The following SORL1 variants were observed in gnomAD, a reference collection of about 807,000 sequenced individuals.
SORL1 encodes sortilin related receptor 1.
A neutral mutation model predicts 273.7 loss-of-function variants in SORL1; 127 were observed. The observed-to-expected ratio is 0.46, with a 90% CI of 0.40 to 0.54. SORL1 has a LOEUF of 0.54. Ranked by LOEUF, SORL1 falls within the 20% of genes least tolerant of loss-of-function variation. The probability of loss-of-function intolerance (pLI) is 0.00; values close to 1 mark genes in which losing one functional copy is unlikely to be tolerated. For synonymous variants in SORL1, 1,031 were observed against 1,067.4 expected (o/e 0.97, Z 0.66); for missense variants, 2,494 against 2,846.1 (o/e 0.88, Z 2.81).
chr11:121,579,043 A>G (rs1306760504), intron 25 of SORL1, among the ~76,000 whole-genome samples: 5 of 152,250 alleles, frequency 3.3e-5, no homozygotes, highest in Non-Finnish European at 7.3e-5. Context: ...GTATGATTGA[A>G]CATCTTGTTA....
At chr11:121,459,192 TGAA>T (rs1860952354) in intron 1 of SORL1, among the ~76,000 whole-genome samples, 4 of 152,242 alleles carry the variant, frequency 2.6e-5, no homozygotes, top group Non-Finnish European at 4.4e-5. Context: ...ACTGAAGACT[TGAA>T]GTGTCTTTCA....
At chr11:121,586,806 T>C (rs1311206799) in intron 27 of SORL1, among the ~76,000 whole-genome samples, 1 of 151,738 alleles carries the variant, frequency 6.6e-6, no homozygotes, top group African/African-American at 2.4e-5. Flanking sequence ...CTTGATTATA[T>C]ATTGGAATCA....
chr11:121,626,640 C>T (rs922554286), intron 46 of SORL1: 1 of 152,258 alleles, frequency 6.6e-6, no homozygotes, highest in East Asian at 1.9e-4. Context: ...TGCGCCACCT[C>T]TCCCGACACC....
intron 1 of SORL1, among the ~76,000 whole-genome samples, chr11:121,455,963 A>T (rs1187807806): frequency 2.0e-5 from 3 of 151,426 alleles, no homozygotes. Flanking sequence ...ATTGCACTCC[A>T]GCCTGGGGGA....
At position 121,567,124 on chromosome 11, in the gene SORL1, T is replaced by C. The variant is rs868527351; in HGVS notation, c.3223+11T>C. The C allele has an allele frequency of 6.2e-7, 1 of 1,606,490 alleles. No individual in the cohort carries two copies. Among genetic ancestry groups the C allele is most frequent in the Non-Finnish European group, 8.5e-7 (1 of 1,175,726 alleles). On this transcript the variant is annotated intron_variant, in intron 22 of 47. Coordinates refer to ENST00000260197, the MANE Select transcript of SORL1 (RefSeq NM_003105.6). ...CCTGTGTCAAACAAGGTACTTCCCT[T>C]TTTCTTTTTTGCCTGTCATCCTCCT... is the stretch of plus-strand genomic sequence containing the variant.
chr11:121,551,916 A>G (rs1862512797), intron 16 of SORL1, among the ~76,000 whole-genome samples: 1 of 152,244 alleles, frequency 6.6e-6, no homozygotes, highest in South Asian at 2.1e-4. Flanking sequence ...GTTATTGATG[A>G]GGGCGTGGGT....
intron 32 of SORL1, among the ~76,000 whole-genome samples, chr11:121,600,915 C>CT (rs1863379219): frequency 6.6e-6 from 1 of 151,264 alleles, no homozygotes; most frequent in Non-Finnish European, 1.5e-5. Context: ...TTTTATTATA[C>CT]TTTAAGTTTT....
At chr11:121,568,743 ATGTAC>A (rs1862790402) in intron 22 of SORL1, among the ~76,000 whole-genome samples, 1 of 152,160 alleles carries the variant, frequency 6.6e-6, no homozygotes, top group Non-Finnish European at 1.5e-5. Flanking sequence ...TATAATGTTG[ATGTAC>A]TGTATTCACT....
chr11:121,621,088 C>G lies in SORL1; in HGVS notation c.5914C>G (p.Leu1972Val), dbSNP rs766895956. The change falls in exon 44 of 48, where the codon CTC (leucine) becomes GTC (valine). Residue 1972 changes from leucine (L) to valine (V), a missense_variant. This residue lies in a region of SORL1 where 1,609 missense variants were observed against 1,816.4 expected (regional missense o/e 0.89). Coordinates refer to ENST00000260197, the MANE Select transcript of SORL1 (RefSeq NM_003105.6). The stretch of plus-strand genomic sequence containing the variant: ...GTTGTATGCAGTTGCAGTCAAAGAT[C>G]TCATAAGAAAGACTGACAGGAGCTA... ...DLLYAVAVKD[L>V]IRKTDRSYKV... The G allele has an allele frequency of 1.2e-6, 2 of 1,611,290 alleles. No homozygotes were observed. The highest frequency in any genetic ancestry group is 4.5e-5 in the East Asian group (2 of 44,836).
Position 121,596,765 on chromosome 11 carries a change from C to T in SORL1, c.4519+993C>T, listed in dbSNP as rs1166271897. On this transcript the variant is annotated intron_variant, in intron 32 of 47. Coordinates refer to ENST00000260197, the MANE Select transcript of SORL1 (RefSeq NM_003105.6). The surrounding 1 kb of genome is among the most constrained non-coding windows in gnomAD (Gnocchi z 4.3). The stretch of plus-strand genomic sequence containing the variant: ...CTCTCTGCTGAGAGCCTCCCTGCCG[C>T]CAAGCCCTAACCCTAAGCAGCAAAC... Among the ~76,000 whole-genome samples, 1 of 152,176 alleles carries T rather than the reference C, an allele frequency of 6.6e-6. No homozygotes were observed. Among genetic ancestry groups the T allele is most frequent in the African/African-American group, 2.4e-5 (1 of 41,436 alleles).
chr11:121,465,099 C>T (rs1861062922), intron 1 of SORL1, among the ~76,000 whole-genome samples: 1 of 152,162 alleles, frequency 6.6e-6, no homozygotes, highest in Non-Finnish European at 1.5e-5. Context: ...TGTTGTGCTA[C>T]CATGATTTCC....
At chr11:121,610,812 A>G (rs1388953964) in intron 38 of SORL1, 2 of 360,362 alleles carry the variant, frequency 5.5e-6, no homozygotes, top group East Asian at 1.1e-4. Flanking sequence ...TGGGACCTTT[A>G]CAAAATGGAA....
At position 121,574,372 on chromosome 11, in the gene SORL1, A is replaced by T; in HGVS notation, c.3460+9A>T. 6.2e-7 allele frequency: 1 copy of T among 1,612,460 alleles called. No homozygotes were observed. The highest frequency in any genetic ancestry group is 8.5e-7 in the Non-Finnish European group (1 of 1,178,632). ...TGATGAAAGTCATTGTGGTAAGGGGACATCACATCCTGAAACCCTGCTCTG... is the reference window on the plus strand; with the variant it reads ...TGATGAAAGTCATTGTGGTAAGGGGTCATCACATCCTGAAACCCTGCTCTG... On this transcript the variant is annotated intron_variant, in intron 24 of 47. Transcript: ENST00000260197.
At chr11:121,607,943 T>A (rs1863503833) in intron 37 of SORL1, among the ~76,000 whole-genome samples, 161 bp from the exon 38 acceptor site, 1 of 152,202 alleles carries the variant, frequency 6.6e-6, no homozygotes, top group Non-Finnish European at 1.5e-5. Flanking sequence ...TGCCCTCTTA[T>A]TTCAGATGCT....
chr11:121,486,260 G>T (rs933845972), intron 3 of SORL1, among the ~76,000 whole-genome samples: 7 of 152,136 alleles, frequency 4.6e-5, no homozygotes, highest in African/African-American at 1.7e-4. Context: ...AGCAGGGACC[G>T]GCCTCCGGGT....
At chr11:121,501,302 C>T (rs1861704742) in intron 6 of SORL1, among the ~76,000 whole-genome samples, 1 of 152,168 alleles carries the variant, frequency 6.6e-6, no homozygotes. Context: ...TAAGGTTATA[C>T]AATGATCATC....
rs568211772 is a variant in SORL1, at chr11:121,528,917, A to G, written c.1597-3547A>G. The stretch of plus-strand genomic sequence containing the variant: ...AATGTTGTTCAGATCTTTTGTGTTC[A>G]TATTGATTTTTGGGGGTTCTAGTTC... On this transcript the variant is annotated intron_variant, in intron 11 of 47. Transcript: ENST00000260197. Among the ~76,000 whole-genome samples the G allele has an allele frequency of 2.6e-5, 4 of 152,266 alleles. No individual in the cohort carries two copies. The East Asian group carries it at 5.8e-4, about 22-fold the overall frequency.
intron 1 of SORL1, among the ~76,000 whole-genome samples, chr11:121,455,653 A>G (rs931240376): frequency 6.6e-6 from 1 of 152,234 alleles, no homozygotes; most frequent in Non-Finnish European, 1.5e-5. Flanking sequence ...CACATTTATG[A>G]TACTGAAATG....
intron 13 of SORL1, among the ~76,000 whole-genome samples, chr11:121,543,930 A>G (rs1414666910): frequency 6.6e-6 from 1 of 152,182 alleles, no homozygotes; most frequent in African/African-American, 2.4e-5. Flanking sequence ...TATTCTTTGT[A>G]TCTTAGTTTC....
Sources: gnomAD v4.1 joint callset for allele counts (sites outside exome capture counted in the v4.1 genomes callset) on GRCh38, gnomAD v4.1.1 for gene constraint, gnomAD v4.1.1 regional missense constraint, Gnocchi (gnomAD v3.1) non-coding constraint, MANE v1.5 for transcripts, NCBI Gene and HGNC (gene_info 2026-07-23, HGNC 2026-07-21) for gene names.